The following NEK7 variants were observed in gnomAD, a reference collection of about 807,000 sequenced individuals.
The protein encoded by NEK7 is NIMA related kinase 7.
In NEK7, 18 loss-of-function variants were observed where a neutral mutation model predicts 44.6. The observed-to-expected ratio is 0.40, with a 90% CI of 0.28 to 0.60. NEK7 has a LOEUF of 0.60. Among genes scored for constraint, NEK7 ranks in the 20% least tolerant of loss-of-function variants. The probability of loss-of-function intolerance (pLI) is 0.38; values close to 1 mark genes in which losing one functional copy is unlikely to be tolerated. For missense variants in NEK7, 256 were observed against 366.5 expected (o/e 0.70, Z 2.46); for synonymous variants, 130 against 121.1 (o/e 1.07, Z -0.48).
chr1:198,191,852 T>C (rs907991850), intron 1 of NEK7, among the ~76,000 whole-genome samples: 1 of 152,112 alleles, frequency 6.6e-6, no homozygotes, highest in Non-Finnish European at 1.5e-5. Flanking sequence ...TTCAAAATAA[T>C]TGATAACCAG....
chr1:198,204,536 G>A (rs1275443322), intron 1 of NEK7, among the ~76,000 whole-genome samples: 1 of 151,778 alleles, frequency 6.6e-6, no homozygotes, highest in African/African-American at 2.4e-5. Flanking sequence ...TGGCTAACAC[G>A]GTGAAACCCT....
intron 9 of NEK7, among the ~76,000 whole-genome samples, 199 bp from the exon 10 acceptor site, chr1:198,319,213 T>C (rs1178397986): frequency 6.6e-6 from 1 of 152,214 alleles, no homozygotes; most frequent in African/African-American, 2.4e-5. Context: ...ATACTGTCCA[T>C]TCAATGCACT....
chr1:198,265,816 A>G (rs1653634465), intron 5 of NEK7, among the ~76,000 whole-genome samples: 2 of 152,142 alleles, frequency 1.3e-5, no homozygotes, highest in Admixed American at 6.6e-5. Context: ...ATATGTACAT[A>G]CATTAGTACA....
At chr1:198,228,264 A>G (rs1365006823) in intron 1 of NEK7, among the ~76,000 whole-genome samples, 1 of 152,120 alleles carries the variant, frequency 6.6e-6, no homozygotes, top group Non-Finnish European at 1.5e-5. Context: ...TGTTTTGGTT[A>G]CTGTAGCCTT....
At chr1:198,237,247 T>C (rs1666564670) in intron 2 of NEK7, among the ~76,000 whole-genome samples, 1 of 152,200 alleles carries the variant, frequency 6.6e-6, no homozygotes, top group South Asian at 2.1e-4. Context: ...CTTTTCTATC[T>C]ATATCCCTTA....
intron 5 of NEK7, among the ~76,000 whole-genome samples, chr1:198,270,865 C>T (rs1333196666): frequency 6.6e-6 from 1 of 152,056 alleles, no homozygotes; most frequent in Admixed American, 6.6e-5. Flanking sequence ...AGTGGGTTCT[C>T]TGCTGAAGGT....
At chr1:198,246,545 G>A (rs910012619) in intron 2 of NEK7, among the ~76,000 whole-genome samples, 8 of 152,342 alleles carry the variant, frequency 5.3e-5, no homozygotes, top group South Asian at 2.1e-4. Context: ...GCCCTCTTTC[G>A]CCACTCTGGC....
intron 2 of NEK7, among the ~76,000 whole-genome samples, chr1:198,243,612 T>G (rs1184395332): frequency 1.3e-5 from 2 of 152,192 alleles, no homozygotes; most frequent in African/African-American, 4.8e-5. Context: ...CTAATGATAA[T>G]TAAATGCTAC....
intron 5 of NEK7, among the ~76,000 whole-genome samples, chr1:198,265,878 C>G (rs1369317842): frequency 6.6e-6 from 1 of 151,934 alleles, no homozygotes; most frequent in Admixed American, 6.6e-5. Flanking sequence ...GTACATATGT[C>G]TTTAAAAAGT....
At chr1:198,205,241 A>G (rs1344685179) in intron 1 of NEK7, among the ~76,000 whole-genome samples, 2 of 152,260 alleles carry the variant, frequency 1.3e-5, no homozygotes, top group African/African-American at 4.8e-5. Context: ...GGCATTGCCA[A>G]GTGCGCATCA....
chr1:198,295,727 C>T (rs1654695817), intron 8 of NEK7, among the ~76,000 whole-genome samples: 3 of 150,386 alleles, frequency 2.0e-5, no homozygotes, highest in East Asian at 1.9e-4. Flanking sequence ...TTTGCAAACA[C>T]GGAGAGACTA....
chr1:198,182,957 C>T (rs1005781510), intron 1 of NEK7, among the ~76,000 whole-genome samples: 1 of 152,098 alleles, frequency 6.6e-6, no homozygotes, highest in African/African-American at 2.4e-5. Flanking sequence ...GGGGATGTCT[C>T]CTTTGGTTTG....
intron 2 of NEK7, among the ~76,000 whole-genome samples, chr1:198,247,100 G>A (rs1039496622): frequency 1.3e-4 from 20 of 152,060 alleles, no homozygotes; most frequent in Admixed American, 2.6e-4. Context: ...TTGTCACATT[G>A]ACACTTAATT....
intron 2 of NEK7, among the ~76,000 whole-genome samples, chr1:198,233,589 A>G (rs1666462330): frequency 6.6e-6 from 1 of 152,084 alleles, no homozygotes; most frequent in Admixed American, 6.6e-5. Context: ...CTTTCACAAG[A>G]GTTCTATAGT....
At chr1:198,271,907 A>ATG (rs1387883551) in intron 5 of NEK7, among the ~76,000 whole-genome samples, 1 of 78,226 alleles carries the variant, frequency 1.3e-5, no homozygotes, top group African/African-American at 6.2e-5. Context: ...TTTATATTTT[A>ATG]TATATATATA....
intron 1 of NEK7, among the ~76,000 whole-genome samples, chr1:198,203,518 T>C (rs1220040055): frequency 6.6e-6 from 1 of 152,184 alleles, no homozygotes; most frequent in East Asian, 1.9e-4. Context: ...CTAGGAGAAG[T>C]AGAGATTTCT....
At chr1:198,239,023 A>C (rs191029770) in intron 2 of NEK7, among the ~76,000 whole-genome samples, 1 of 152,254 alleles carries the variant, frequency 6.6e-6, no homozygotes, top group African/African-American at 2.4e-5. Context: ...GTAGCTGTTG[A>C]ATCTGCGAAT....
chr1:198,186,018 A>G (rs535945460), intron 1 of NEK7, among the ~76,000 whole-genome samples: 1 of 152,342 alleles, frequency 6.6e-6, no homozygotes, highest in African/African-American at 2.4e-5. Context: ...CTAGAAGATA[A>G]TCTTATCTCG....
intron 7 of NEK7, among the ~76,000 whole-genome samples, chr1:198,290,496 G>T (rs1461679122): frequency 6.6e-6 from 1 of 152,142 alleles, no homozygotes; most frequent in Non-Finnish European, 1.5e-5. Flanking sequence ...GGACTAATCA[G>T]TTTACGTGAT....
Sources: allele counts gnomAD v4.1 joint callset (sites outside exome capture counted in the v4.1 genomes callset), GRCh38; gene constraint gnomAD v4.1.1; transcripts MANE v1.5; gene names NCBI Gene and HGNC (gene_info 2026-07-23, HGNC 2026-07-21).